Variants in WDR70 observed in about 807,000 individuals in gnomAD.
WDR70 encodes WD repeat-containing protein 70.
A neutral mutation model predicts 88.6 loss-of-function variants in WDR70; 53 were observed. The observed-to-expected ratio is 0.60, with a 90% CI of 0.48 to 0.75. The LOEUF is 0.75. Among genes scored for constraint, WDR70 ranks in the 30% least tolerant of loss-of-function variants. WDR70 has a pLI of 0.00. For missense variants in WDR70, 610 were observed against 823.2 expected (o/e 0.74, Z 3.17); for synonymous variants, 280 against 270.0 (o/e 1.04, Z -0.36).
chr5:37,665,326 C>T (rs1202371797), intron 10 of WDR70, among the ~76,000 whole-genome samples: 1 of 152,206 alleles, frequency 6.6e-6, no homozygotes, highest in African/African-American at 2.4e-5. Context: ...TGGTCACTTA[C>T]AGAACTGCTC....
intron 5 of WDR70, among the ~76,000 whole-genome samples, chr5:37,421,522 T>G (rs138968197): frequency 1.3e-5 from 2 of 152,354 alleles, no homozygotes; most frequent in East Asian, 3.9e-4. Context: ...ATTTTCTCCT[T>G]GTGAAAATCT....
intron 10 of WDR70, among the ~76,000 whole-genome samples, chr5:37,676,629 G>A (rs1581486387): frequency 6.6e-6 from 1 of 151,802 alleles, no homozygotes; most frequent in Non-Finnish European, 1.5e-5. Flanking sequence ...TGCTGGATTC[G>A]GTTTGCCAGT....
In WDR70 at chr5:37,499,591, C is replaced by CTCTCTCTCTCTCTT. The variant is rs1561876800; in HGVS notation, c.841-16910_841-16909insTTCTCTCTCTCTCT. Among the ~76,000 whole-genome samples the CTCTCTCTCTCTCTT allele has an allele frequency of 2.1e-3, 79 of 36,982 alleles. 2 individuals are homozygous for CTCTCTCTCTCTCTT. The highest frequency in any genetic ancestry group is 7.3e-3 in the South Asian group (5 of 684). 24.3% of individuals were successfully genotyped at this position (36,982 alleles called of 152,430 possible). A position where few individuals can be genotyped will look rare whatever the true frequency, so the allele number is the denominator to read the frequency against. The stretch of plus-strand genomic sequence containing the variant: ...TAAATATGTGATTTGGAAATATTCT[C>CTCTCTCTCTCTCTT]TCTCTCTCTCTCTCTCTCTCTCTCT... On this transcript the variant is annotated intron_variant, in intron 8 of 17. Transcript: ENST00000265107.
At chr5:37,516,867 G>T (rs1740905442) in intron 9 of WDR70, among the ~76,000 whole-genome samples, 1 of 151,078 alleles carries the variant, frequency 6.6e-6, no homozygotes. Flanking sequence ...GATTACAGAT[G>T]CCCCACCACC....
At chr5:37,436,294 A>G (rs1185933885) in intron 5 of WDR70, among the ~76,000 whole-genome samples, 1 of 152,160 alleles carries the variant, frequency 6.6e-6, no homozygotes, top group Non-Finnish European at 1.5e-5. Flanking sequence ...GTTTGAAACC[A>G]CTTACTTCAC....
intron 5 of WDR70, among the ~76,000 whole-genome samples, chr5:37,400,478 A>G (rs1038418930): frequency 3.3e-5 from 5 of 152,080 alleles, no homozygotes; most frequent in Admixed American, 6.6e-5. Flanking sequence ...ACTTCCACTG[A>G]TCTCATAGAA....
At chr5:37,617,215 A>G (rs1259662519) in intron 10 of WDR70, among the ~76,000 whole-genome samples, 1 of 152,206 alleles carries the variant, frequency 6.6e-6, no homozygotes, top group Non-Finnish European at 1.5e-5. Flanking sequence ...AACTCGCCCA[A>G]GGCCATGCAT....
intron 5 of WDR70, among the ~76,000 whole-genome samples, chr5:37,407,555 T>C (rs1169635820): frequency 6.6e-6 from 1 of 152,050 alleles, no homozygotes; most frequent in African/African-American, 2.4e-5. Context: ...AACCACTAAA[T>C]AATTGGTAAA....
intron 5 of WDR70, among the ~76,000 whole-genome samples, chr5:37,423,372 A>AAG (rs1183088493): frequency 1.3e-5 from 2 of 151,358 alleles, no homozygotes; most frequent in African/African-American, 4.9e-5. Flanking sequence ...TAAAAAAAAA[A>AAG]AAGAAGAAAA....
intron 9 of WDR70, among the ~76,000 whole-genome samples, chr5:37,577,420 T>G (rs535962097): frequency 1.3e-5 from 2 of 152,194 alleles, no homozygotes; most frequent in African/African-American, 4.8e-5. Context: ...AGTTCGAGGT[T>G]GTAGTGAGCT....
At chr5:37,583,428 A>G (rs1434798804) in intron 9 of WDR70, among the ~76,000 whole-genome samples, 1 of 151,966 alleles carries the variant, frequency 6.6e-6, no homozygotes, top group Non-Finnish European at 1.5e-5. Flanking sequence ...CTCAAAAAAA[A>G]AAAAAAAAAG....
intron 10 of WDR70, among the ~76,000 whole-genome samples, chr5:37,611,178 T>G (rs1744180695): frequency 6.6e-6 from 1 of 152,226 alleles, no homozygotes; most frequent in Non-Finnish European, 1.5e-5. Context: ...GTTTTTTTGT[T>G]AAATTTTCGT....
At chr5:37,690,565 A>G (rs897373208) in intron 10 of WDR70, among the ~76,000 whole-genome samples, 3 of 152,230 alleles carry the variant, frequency 2.0e-5, no homozygotes, top group African/African-American at 7.2e-5. Context: ...CAACATTCTT[A>G]AAGAAAAGAA....
At chr5:37,550,821 T>C (rs1425719013) in intron 9 of WDR70, among the ~76,000 whole-genome samples, 1 of 145,490 alleles carries the variant, frequency 6.9e-6, no homozygotes, top group African/African-American at 2.5e-5. Flanking sequence ...TTCCTTCCTT[T>C]CTTTCCTTCC....
intron 5 of WDR70, among the ~76,000 whole-genome samples, chr5:37,424,381 T>A (rs1750055452): frequency 6.8e-6 from 1 of 146,532 alleles, no homozygotes; most frequent in Admixed American, 7.3e-5. Flanking sequence ...TACTGCACTT[T>A]GCAAGTGACA....
At position 37,573,881 on chromosome 5, in the gene WDR70, C is replaced by T. The variant is rs115121018; in HGVS notation, c.918-31183C>T. On this transcript the variant is annotated intron_variant, in intron 9 of 17. Transcript: ENST00000265107. ...CCTTTCCTGGCTTCTCAGCAACCCT[C>T]AGCACGCTGGATCATTTCCTCCTTG... Among the ~76,000 whole-genome samples the T allele has an allele frequency of 7.7e-3, 1,167 of 152,248 alleles. 7 individuals are homozygous for T. Among genetic ancestry groups the T allele is most frequent in the Non-Finnish European group, 0.013 (891 of 68,012 alleles).
At chr5:37,477,145 T>G (rs1026085550) in intron 7 of WDR70, among the ~76,000 whole-genome samples, 1 of 152,230 alleles carries the variant, frequency 6.6e-6, no homozygotes, top group African/African-American at 2.4e-5. Context: ...TACTTGTATA[T>G]TCTCCCTTTC....
chr5:37,610,615 T>C (rs1744165873), intron 10 of WDR70, among the ~76,000 whole-genome samples: 1 of 152,180 alleles, frequency 6.6e-6, no homozygotes, highest in Non-Finnish European at 1.5e-5. Flanking sequence ...ACTGGTATTT[T>C]TGAGGAGCTC....
chr5:37,474,122 A>G (rs980101924), intron 7 of WDR70, among the ~76,000 whole-genome samples: 1 of 152,126 alleles, frequency 6.6e-6, no homozygotes, highest in African/African-American at 2.4e-5. Flanking sequence ...TTTATTTTCA[A>G]ACATTCAGTG....
Sources: gnomAD v4.1 joint callset for allele counts (sites outside exome capture counted in the v4.1 genomes callset) on GRCh38, gnomAD v4.1.1 for gene constraint, MANE v1.5 for transcripts, NCBI Gene and HGNC (gene_info 2026-07-23, HGNC 2026-07-21) for gene names.